The following LRP1B variants were observed in gnomAD, a reference collection of about 807,000 sequenced individuals.
LRP1B encodes the protein LDL receptor related protein 1B, also known as low-density lipoprotein receptor-related protein 1B.
In LRP1B, 217 loss-of-function variants were observed where a neutral mutation model predicts 556.6. The ratio of observed to expected loss-of-function variants is 0.39; its 90% CI spans 0.35 to 0.44. The LOEUF (loss-of-function observed/expected upper bound fraction) is 0.44, where lower values mean the gene tolerates loss of function less well. LRP1B is among the 20% of genes least tolerant of loss of function. The pLI is 1.00. For missense variants in LRP1B, 5,053 were observed against 5,620.8 expected, an observed-to-expected ratio of 0.90 and a Z score of 3.23; for synonymous variants, 2,047 against 1,865.8, an observed-to-expected ratio of 1.10 and a Z score of -2.50.
chr2:140,277,745 CAAT>C (rs1682741738), intron 84 of LRP1B, among the ~76,000 whole-genome samples: 1 of 151,882 alleles, frequency 6.6e-6, no homozygotes. Context: ...ACTGATAATA[CAAT>C]AATAGTGGAA....
intron 31 of LRP1B, among the ~76,000 whole-genome samples, chr2:140,822,019 G>A (rs1691347323): frequency 6.6e-6 from 1 of 151,440 alleles, no homozygotes; most frequent in Admixed American, 6.6e-5. Context: ...GAAAAAAAAA[G>A]AATAAAGGGG....
At chr2:141,796,982 G>A (rs1457793524) in intron 2 of LRP1B, among the ~76,000 whole-genome samples, 1 of 151,210 alleles carries the variant, frequency 6.6e-6, no homozygotes, top group Admixed American at 6.6e-5. Context: ...AAGGTAGACT[G>A]TCCGTGTCTC....
intron 1 of LRP1B, among the ~76,000 whole-genome samples, chr2:142,024,642 GT>G (rs1258520362): frequency 1.8e-5 from 1 of 56,476 alleles, no homozygotes; most frequent in Non-Finnish European, 3.9e-5. Context: ...TTTTGTATTT[GT>G]TTTTGCTTTC....
At chr2:141,543,344 CA>C (rs1295846655) in intron 2 of LRP1B, among the ~76,000 whole-genome samples, 1 of 146,072 alleles carries the variant, frequency 6.8e-6, no homozygotes, top group African/African-American at 2.5e-5. Context: ...CCTGTCTCTA[CA>C]AAAAATACAA....
At chr2:141,371,092 T>C (rs962459732) in intron 3 of LRP1B, among the ~76,000 whole-genome samples, 1 of 152,148 alleles carries the variant, frequency 6.6e-6, no homozygotes, top group African/African-American at 2.4e-5. Context: ...CAAGTGATTC[T>C]CCTACCTCAG....
chr2:140,429,685 C>T (rs980795913), intron 66 of LRP1B, among the ~76,000 whole-genome samples: 6 of 152,130 alleles, frequency 3.9e-5, no homozygotes, highest in Non-Finnish European at 5.9e-5. Flanking sequence ...ATGGTTAGTG[C>T]AGTCAGAATT....
At position 140,977,648 on chromosome 2, in the gene LRP1B, G is replaced by A. The variant is rs149783181; in HGVS notation, c.2887+4512C>T. 5.5e-3 allele frequency among the ~76,000 whole-genome samples: 833 copies of A among 151,982 alleles called. 10 individuals are homozygous for A. The highest frequency in any genetic ancestry group is 0.019 in the African/African-American group (792 of 41,450). ...ACTGGTAAAAACTGTAATTACTTTT[G>A]CACTGACCTAATAGAAATATAAATT... is the stretch of plus-strand genomic sequence containing the variant. On this transcript the variant is annotated intron_variant, in intron 18 of 90. Transcript: ENST00000389484.
intron 2 of LRP1B, among the ~76,000 whole-genome samples, chr2:141,806,434 G>A (rs773596958): frequency 6.6e-6 from 1 of 151,942 alleles, no homozygotes; most frequent in Non-Finnish European, 1.5e-5. Flanking sequence ...TAAATAATAT[G>A]CAGAAATAAA....
intron 2 of LRP1B, among the ~76,000 whole-genome samples, chr2:141,789,677 T>C (rs73964803): frequency 0.042 from 6,458 of 152,088 alleles, 463 homozygotes; most frequent in African/African-American, 0.15. Context: ...GAGCTGTTTA[T>C]ACTTTCCAGT....
At chr2:140,855,347 T>C (rs1302909304) in intron 27 of LRP1B, among the ~76,000 whole-genome samples, 1 of 151,320 alleles carries the variant, frequency 6.6e-6, no homozygotes, top group African/African-American at 2.4e-5. Context: ...GTAGAACACA[T>C]ACTTGATTAT....
chr2:141,401,394 A>C (rs1288627586), intron 3 of LRP1B, among the ~76,000 whole-genome samples: 1 of 152,138 alleles, frequency 6.6e-6, no homozygotes, highest in East Asian at 1.9e-4. Context: ...GGAGAATACA[A>C]TTTTTTAAAT....
At chr2:141,053,519 C>A (rs1270935176) in intron 10 of LRP1B, among the ~76,000 whole-genome samples, 3 of 151,960 alleles carry the variant, frequency 2.0e-5, no homozygotes, top group Non-Finnish European at 2.9e-5. Context: ...TCATTTGTGG[C>A]TCCCTGATGC....
chr2:140,838,650 TTCA>T (rs1691998265), intron 31 of LRP1B, among the ~76,000 whole-genome samples: 2 of 152,106 alleles, frequency 1.3e-5, no homozygotes, highest in South Asian at 2.1e-4. Flanking sequence ...TTTTCCCAGA[TTCA>T]AAAAATGTAT....
At chr2:140,738,845 C>G (rs1377415851) in intron 35 of LRP1B, among the ~76,000 whole-genome samples, 1 of 152,152 alleles carries the variant, frequency 6.6e-6, no homozygotes, top group Non-Finnish European at 1.5e-5. Context: ...GACTAATTGC[C>G]TACATCAAAT....
chr2:140,540,916 A>T, intron 45 of LRP1B, 57 bp downstream of exon 45: 1 of 1,548,292 alleles, frequency 6.5e-7, no homozygotes, highest in South Asian at 1.2e-5. Context: ...AATTTCAGTG[A>T]TGTGTGTGGA....
intron 15 of LRP1B, among the ~76,000 whole-genome samples, chr2:140,997,678 A>G (rs540975126): frequency 7.6e-4 from 115 of 152,114 alleles, no homozygotes; most frequent in African/African-American, 2.6e-3. Flanking sequence ...CTGCTTATCT[A>G]ATATTGAGAA....
intron 1 of LRP1B, among the ~76,000 whole-genome samples, chr2:141,813,786 T>C (rs1696436966): frequency 6.6e-6 from 1 of 152,130 alleles, no homozygotes; most frequent in Non-Finnish European, 1.5e-5. Context: ...TCTGGATTCT[T>C]GTCCCACAAC....
intron 3 of LRP1B, among the ~76,000 whole-genome samples, chr2:141,451,192 G>A (rs1348247939): frequency 2.0e-5 from 3 of 152,166 alleles, no homozygotes; most frequent in Non-Finnish European, 4.4e-5. Context: ...TTGCAGCCAA[G>A]ACCCTGAGTG....
chr2:141,565,444 A>C (rs1353497194), intron 2 of LRP1B, among the ~76,000 whole-genome samples: 1 of 152,246 alleles, frequency 6.6e-6, no homozygotes, highest in Admixed American at 6.5e-5. Flanking sequence ...CAAGGCTTTT[A>C]AGAGCTGCAG....
Sources: gnomAD v4.1 joint callset for allele counts (sites outside exome capture counted in the v4.1 genomes callset) on GRCh38, gnomAD v4.1.1 for gene constraint, MANE v1.5 for transcripts, NCBI Gene and HGNC (gene_info 2026-07-23, HGNC 2026-07-21) for gene names.